NR6A1: variants seen among roughly 807,000 people sequenced by gnomAD.
NR6A1 encodes the protein retinoic acid receptor-related testis-associated receptor.
NR6A1 carries 7 observed loss-of-function variants against 59.1 expected under a neutral mutation model. The ratio of observed to expected loss-of-function variants is 0.12; its 90% confidence interval spans 0.07 to 0.22. NR6A1 has a LOEUF of 0.22. NR6A1 is among the 10% of genes least tolerant of loss of function. NR6A1 has a pLI of 1.00. For missense variants in NR6A1, 468 were observed against 611.6 expected, an observed-to-expected ratio of 0.77 and a Z score of 2.48; for synonymous variants, 243 against 236.1, an observed-to-expected ratio of 1.03 and a Z score of -0.27.
chr9:124,593,633 G>C (rs1038870249), intron 2 of NR6A1, among the ~76,000 whole-genome samples: 1 of 152,156 alleles, frequency 6.6e-6, no homozygotes, highest in Non-Finnish European at 1.5e-5. Context: ...CCCCAACGTT[G>C]AAAGGGCACT....
intron 2 of NR6A1, among the ~76,000 whole-genome samples, chr9:124,729,842 C>T (rs1293773020): frequency 1.3e-5 from 2 of 148,272 alleles, no homozygotes; most frequent in Non-Finnish European, 3.0e-5. Flanking sequence ...GACGGAGTCT[C>T]GCTCTTGTTG....
At chr9:124,536,218 A>C in intron 6 of NR6A1, 86 bp from the exon 7 acceptor site, 1 of 1,463,730 alleles carries the variant, frequency 6.8e-7, no homozygotes, top group Non-Finnish European at 9.2e-7. Flanking sequence ...CCAAGGGCAC[A>C]AAGGGACCCT....
chr9:124,615,723 A>G (rs184329247), intron 2 of NR6A1, among the ~76,000 whole-genome samples: 2 of 152,322 alleles, frequency 1.3e-5, no homozygotes, highest in African/African-American at 4.8e-5. Context: ...ATTATAGGTT[A>G]AAATTTACAT....
At chr9:124,716,524 G>C (rs1191617546) in intron 2 of NR6A1, among the ~76,000 whole-genome samples, 1 of 152,158 alleles carries the variant, frequency 6.6e-6, no homozygotes, top group Non-Finnish European at 1.5e-5. Context: ...AGGAGCCACA[G>C]ACTAGGAGAA....
intron 2 of NR6A1, chr9:124,599,605 C>G: frequency 8.6e-7 from 1 of 1,168,502 alleles, no homozygotes; most frequent in Non-Finnish European, 1.1e-6. Context: ...GGCGGCCGCT[C>G]GGCTGAGTCG....
Position 124,518,206 on chromosome 9 carries a change from A to G in NR6A1, c.*4499T>C, listed in dbSNP as rs1445188033. 2 of 146,562 alleles carry G rather than the reference A, an allele frequency of 1.4e-5. No individual in the cohort carries two copies. The highest frequency in any genetic ancestry group is 5.1e-5 in the African/African-American group (2 of 39,258). 9.1% of individuals were successfully genotyped at this position (146,562 alleles called of 1,614,324 possible). A position where few individuals can be genotyped will look rare whatever the true frequency, so the allele number is the denominator to read the frequency against. On this transcript the variant is annotated 3_prime_UTR_variant, in exon 10 of 10. Coordinates refer to ENST00000487099, the MANE Select transcript of NR6A1 (RefSeq NM_033334.4). Reference sequence around the variant, plus strand: ...GTCCATTTAGGGCTTCAGGCCCAGAAGACGGATGCTAGATGGGAACTGGGC... The same window carrying G: ...GTCCATTTAGGGCTTCAGGCCCAGAGGACGGATGCTAGATGGGAACTGGGC...
At chr9:124,765,125 C>T (rs1459598874) in intron 1 of NR6A1, among the ~76,000 whole-genome samples, 1 of 152,124 alleles carries the variant, frequency 6.6e-6, no homozygotes, top group Non-Finnish European at 1.5e-5. Context: ...CTTAATGTAA[C>T]GAATTGTATG....
intron 2 of NR6A1, among the ~76,000 whole-genome samples, chr9:124,681,905 T>C (rs1026906633): frequency 1.3e-5 from 2 of 152,208 alleles, no homozygotes; most frequent in Non-Finnish European, 2.9e-5. Context: ...GACAAATGAA[T>C]TTTAATAAAA....
intron 1 of NR6A1, among the ~76,000 whole-genome samples, chr9:124,758,710 G>A (rs959308010): frequency 6.6e-6 from 1 of 152,162 alleles, no homozygotes; most frequent in Non-Finnish European, 1.5e-5. Context: ...GGATCTCACA[G>A]ACTTTAAAGC....
chr9:124,539,072 A>G (rs1833368648), intron 5 of NR6A1, among the ~76,000 whole-genome samples: 1 of 152,080 alleles, frequency 6.6e-6, no homozygotes, highest in African/African-American at 2.4e-5. Flanking sequence ...TTTAATTAAC[A>G]ACGACAACAA....
intron 1 of NR6A1, among the ~76,000 whole-genome samples, chr9:124,748,106 T>C (rs1164996624): frequency 2.6e-5 from 4 of 152,172 alleles, no homozygotes; most frequent in South Asian, 2.1e-4. Context: ...TATACCAACT[T>C]TGATGTTAAA....
intron 2 of NR6A1, among the ~76,000 whole-genome samples, chr9:124,644,014 C>T (rs887001075): frequency 1.3e-5 from 2 of 152,116 alleles, no homozygotes; most frequent in South Asian, 4.1e-4. Flanking sequence ...GATTCTCCAG[C>T]TTCAACCTCC....
chr9:124,722,270 G>C (rs1839584969), intron 2 of NR6A1, among the ~76,000 whole-genome samples: 1 of 152,160 alleles, frequency 6.6e-6, no homozygotes, highest in African/African-American at 2.4e-5. Flanking sequence ...TATACGCAAA[G>C]TGCCTGGCAC....
At position 124,616,027 on chromosome 9, in the gene NR6A1, T is replaced by C. The variant is rs536871022; in HGVS notation, c.143-61457A>G. On this transcript the variant is annotated intron_variant, in intron 2 of 9. Coordinates refer to ENST00000487099, the MANE Select transcript of NR6A1 (RefSeq NM_033334.4). ...GGCGTGAGTCACCACGCCCAGCTCA[T>C]TTCTGTTTTAAAACCAAGTTTTATT... Among the ~76,000 whole-genome samples, 90 of 152,050 alleles carry C rather than the reference T, an allele frequency of 5.9e-4. 1 individual carries two copies. The South Asian group carries it at 0.018, about 31-fold the overall frequency.
intron 2 of NR6A1, among the ~76,000 whole-genome samples, chr9:124,617,643 C>T (rs1379174683): frequency 6.6e-6 from 1 of 152,116 alleles, no homozygotes; most frequent in Non-Finnish European, 1.5e-5. Flanking sequence ...CCATCCAAAC[C>T]GCTGTGGGTG....
At chr9:124,593,697 G>A (rs1414890654) in intron 2 of NR6A1, among the ~76,000 whole-genome samples, 2 of 152,122 alleles carry the variant, frequency 1.3e-5, no homozygotes. Context: ...AATTCATTCG[G>A]TGTCATTGTT....
chr9:124,596,274 G>A (rs950020095), intron 2 of NR6A1, among the ~76,000 whole-genome samples: 24 of 151,820 alleles, frequency 1.6e-4, no homozygotes, highest in African/African-American at 5.6e-4. Flanking sequence ...AAGACAAAAC[G>A]GAAACTCAAT....
chr9:124,548,475 T>C lies in NR6A1; in HGVS notation c.386-4618A>G, dbSNP rs1833669725. Among the ~76,000 whole-genome samples, 3 of 152,244 alleles carry C rather than the reference T, an allele frequency of 2.0e-5. 1 individual carries two copies. Among genetic ancestry groups the C allele is most frequent in the Middle Eastern group, 6.8e-3 (2 of 294 alleles). On this transcript the variant is annotated intron_variant, in intron 3 of 9. Transcript: ENST00000487099. ...GGGCAACATGCTGAAAACTTGTCTC[T>C]ACAAATTTTTTTGGTATAATAAAAT...
At chr9:124,686,935 C>T (rs1004016074) in intron 2 of NR6A1, among the ~76,000 whole-genome samples, 1 of 151,940 alleles carries the variant, frequency 6.6e-6, no homozygotes, top group Admixed American at 6.6e-5. Flanking sequence ...AAATCCTGGG[C>T]TCAAGCAATA....
Sources: allele counts gnomAD v4.1 joint callset (sites outside exome capture counted in the v4.1 genomes callset), GRCh38; gene constraint gnomAD v4.1.1; transcripts MANE v1.5; gene names NCBI Gene and HGNC (gene_info 2026-07-23, HGNC 2026-07-21).